LAMA3: variants seen among roughly 807,000 people sequenced by gnomAD.
LAMA3 encodes laminin subunit alpha-3.
In LAMA3, 281 loss-of-function variants were observed where a neutral mutation model predicts 402.0. The observed-to-expected ratio is 0.70, with a 90% CI of 0.63 to 0.77. The LOEUF (loss-of-function observed/expected upper bound fraction) is 0.77. Ranked by LOEUF, LAMA3 falls within the 30% of genes least tolerant of loss-of-function variation. The probability of loss-of-function intolerance (pLI) is 0.00; values close to 1 mark genes in which losing one functional copy is unlikely to be tolerated. For missense variants in LAMA3, 3,840 were observed against 4,215.5 expected, an observed-to-expected ratio of 0.91 and a Z score of 2.47; for synonymous variants, 1,431 against 1,558.4, an observed-to-expected ratio of 0.92 and a Z score of 1.93.
At chr18:23,692,420 T>C (rs1345186665) in intron 1 of LAMA3, among the ~76,000 whole-genome samples, 3 of 152,126 alleles carry the variant, frequency 2.0e-5, no homozygotes, top group Non-Finnish European at 4.4e-5. Flanking sequence ...TACAGGCGCC[T>C]GCCACCACGC....
At chr18:23,894,452 G>T in intron 43 of LAMA3, 104 bp downstream of exon 43, 1 of 1,050,226 alleles carries the variant, frequency 9.5e-7, no homozygotes, top group South Asian at 1.3e-5. Flanking sequence ...GGGAAAGTAA[G>T]GGTGGGAGGA....
rs1376853027 is a variant in LAMA3, at chr18:23,819,847, A to G, written c.2154A>G (p.Glu718=). 5 of 1,613,940 alleles carry G rather than the reference A, an allele frequency of 3.1e-6. No homozygotes were observed. The highest frequency in any genetic ancestry group is 4.2e-6 in the Non-Finnish European group (5 of 1,179,914). ...TACTTTTTAATTATGAAAGGCCTGA[A>G]AACAACTACTATTTCCCAGATTTGC... ...HVVGKVCQRP[E]NNYYFPDLHH... Residue 718 remains glutamate, a synonymous_variant, in exon 19 of 75, where the codon GAA becomes GAG. Transcript: ENST00000313654.
At chr18:23,892,192 A>G (rs1268165034) in intron 42 of LAMA3, among the ~76,000 whole-genome samples, 1 of 152,228 alleles carries the variant, frequency 6.6e-6, no homozygotes, top group Non-Finnish European at 1.5e-5. Context: ...CACTGGAGGT[A>G]TTCAAGAAGC....
intron 25 of LAMA3, among the ~76,000 whole-genome samples, chr18:23,838,272 T>C (rs1305547819): frequency 6.6e-6 from 1 of 152,214 alleles, no homozygotes; most frequent in Admixed American, 6.5e-5. Context: ...TTTGTGTGAC[T>C]CAAAAACTAG....
chr18:23,801,365 C>T lies in LAMA3; in HGVS notation c.1604-9001C>T, dbSNP rs1442259333. 3.3e-5 allele frequency among the ~76,000 whole-genome samples: 5 copies of T among 152,014 alleles called. 1 individual carries two copies. The highest frequency in any genetic ancestry group is 7.4e-5 in the Non-Finnish European group (5 of 68,008). ...TCAGGTACTATGCTCAGTACCTGGG[C>T]GATTTTTTGGTTTCATACACCAAAC... is the stretch of plus-strand genomic sequence containing the variant. On this transcript the variant is annotated intron_variant, in intron 12 of 74. Coordinates refer to ENST00000313654, the MANE Select transcript of LAMA3 (RefSeq NM_198129.4).
Position 23,916,005 on chromosome 18 carries a change from C to CAAAAAAAAAAAAAAAAAAAAAA in LAMA3, c.7779-546_7779-545insAAAAAAAAAAAAAAAAAAAAAA, listed in dbSNP as rs1408575781. On this transcript the variant is annotated intron_variant, in intron 59 of 74. Transcript: ENST00000313654. ...TGGGCGACAGAGTGAGACTCCATCT[C>CAAAAAAAAAAAAAAAAAAAAAA]CAAAAAAAAAAAAAAAAAAAAAAAA... Among the ~76,000 whole-genome samples, 2 of 41,950 alleles carry CAAAAAAAAAAAAAAAAAAAAAA rather than the reference C, an allele frequency of 4.8e-5. 1 individual carries two copies. The highest frequency in any genetic ancestry group is 2.7e-4 in the African/African-American group (2 of 7,366). The allele number at this position is 41,950 out of a possible 152,430, so 27.5% of individuals were successfully genotyped here. A position where few individuals can be genotyped will look rare whatever the true frequency, so the allele number is the denominator to read the frequency against.
At chr18:23,901,354 C>T (rs754577232) in intron 48 of LAMA3, 31 bp downstream of exon 48, 16 of 1,566,068 alleles carry the variant, frequency 1.0e-5, no homozygotes, top group East Asian at 4.5e-5. Context: ...TGCACACTTT[C>T]GTTAATAAGG....
At chr18:23,939,632 T>C (rs1188962330) in intron 68 of LAMA3, among the ~76,000 whole-genome samples, 2 of 152,322 alleles carry the variant, frequency 1.3e-5, no homozygotes, top group East Asian at 3.9e-4. Context: ...TCAGCTCAGG[T>C]CTGGTTTAGA....
At chr18:23,790,262 G>C (rs1262419620) in intron 12 of LAMA3, among the ~76,000 whole-genome samples, 1 of 152,198 alleles carries the variant, frequency 6.6e-6, no homozygotes, top group Non-Finnish European at 1.5e-5. Flanking sequence ...TTAGTGGATA[G>C]AGAAATCAAT....
At chr18:23,863,204 G>T (rs1006871139) in intron 35 of LAMA3, among the ~76,000 whole-genome samples, 8 of 152,266 alleles carry the variant, frequency 5.3e-5, no homozygotes, top group Non-Finnish European at 1.0e-4. Flanking sequence ...AGCACTTTGG[G>T]AGGCCGAGAC....
intron 3 of LAMA3, 114 bp downstream of exon 3, chr18:23,748,174 A>C: frequency 1.3e-6 from 1 of 783,536 alleles, no homozygotes; most frequent in African/African-American, 1.7e-5. Context: ...CACCCCTATA[A>C]TCCCAGCATT....
rs2062306356 is a variant in LAMA3, at chr18:23,775,873, A to G, written c.1355A>G (p.Asp452Gly). 1.2e-6 allele frequency: 2 copies of G among 1,614,078 alleles called. No homozygotes were observed. Among genetic ancestry groups the G allele is most frequent in the African/African-American group, 2.7e-5 (2 of 75,030 alleles). Residue 452 changes from aspartate (D) to glycine (G), a missense_variant, in exon 10 of 75, where the codon GAC becomes GGC. Asp to Gly is a moderately conservative substitution (Grantham distance 94). Coordinates refer to ENST00000313654, the MANE Select transcript of LAMA3 (RefSeq NM_198129.4). ...CACTGCAAGCCAAATTTCCACGGAG[A>G]CAACTGTGAGAAGTGTGCAATTGGA... ...RCHCKPNFHGDNCEKCAIGYY... is the reference protein window; with the variant it reads ...RCHCKPNFHGGNCEKCAIGYY...
Position 23,819,987 on chromosome 18 carries a change from C to T in LAMA3, c.2294C>T (p.Thr765Ile). ...AGCTGGAGAGGATATGCCCAAATGA[C>T]CTCAGTACAGGTACGCAACCCGAAG... ...EFSWRGYAQMTSVQNDVRITL... is the reference protein window; with the variant it reads ...EFSWRGYAQMISVQNDVRITL... The change falls in exon 19 of 75, where the codon ACC becomes ATC. Residue 765 changes from threonine (T) to isoleucine (I), a missense_variant. Around this residue, in one of 3 missense-constraint regions of LAMA3, gnomAD observed 2,109 missense variants for 2,376.0 expected, o/e 0.89. Coordinates refer to ENST00000313654, the MANE Select transcript of LAMA3 (RefSeq NM_198129.4). The T allele has an allele frequency of 1.2e-6, 2 of 1,614,072 alleles. No individual in the cohort carries two copies. The highest frequency in any genetic ancestry group is 1.3e-5 in the African/African-American group (1 of 75,036).
At chr18:23,848,747 A>G (rs1322713474) in intron 32 of LAMA3, among the ~76,000 whole-genome samples, 2 of 152,220 alleles carry the variant, frequency 1.3e-5, no homozygotes, top group Non-Finnish European at 2.9e-5. Flanking sequence ...CAACGCTAAA[A>G]TAACAGAAAT....
chr18:23,810,231 A>G (rs2063040938), intron 12 of LAMA3, 135 bp from the exon 13 acceptor site: 6 of 1,022,504 alleles, frequency 5.9e-6, no homozygotes, highest in Non-Finnish European at 7.6e-6. Context: ...CAGGTTCCCG[A>G]TCTCATAAGA....
Position 23,954,614 on chromosome 18 carries a change from G to T in LAMA3, c.9968G>T (p.Gly3323Val). The change falls in exon 75 of 75, where the codon GGG becomes GTG. Residue 3323 changes from glycine (G) to valine (V), a missense_variant. Transcript: ENST00000313654. Reference sequence around the variant, plus strand: ...GTCACTGAAGCCTTGGAAGTCCAGGGGCCTGTCAGTCTGAATGGTTGTCCT... The same window carrying T: ...GTCACTGAAGCCTTGGAAGTCCAGGTGCCTGTCAGTCTGAATGGTTGTCCT... ...VPVTEALEVQ[G>V]PVSLNGCPDQ The T allele has an allele frequency of 6.2e-7, 1 of 1,613,860 alleles. No individual in the cohort carries two copies. The highest frequency in any genetic ancestry group is 8.5e-7 in the Non-Finnish European group (1 of 1,179,974).
In LAMA3 at chr18:23,777,596, A is replaced by G. The variant is rs779759869; in HGVS notation, c.1445A>G (p.Asp482Gly). 1.2e-6 allele frequency: 2 copies of G among 1,612,276 alleles called. No individual in the cohort carries two copies. Among genetic ancestry groups the G allele is most frequent in the South Asian group, 1.1e-5 (1 of 91,038 alleles). Residue 482 changes from aspartate to glycine, a missense_variant, in exon 11 of 75, where the codon GAT (aspartate) becomes GGT (glycine). Physicochemically the swap from Asp to Gly is moderately conservative, Grantham distance 94. Coordinates refer to ENST00000313654, the MANE Select transcript of LAMA3 (RefSeq NM_198129.4). ...IFPVSTPSSE[D>G]PVAGDIKGCD... ...CCTGTTTCTACACCAAGTTCAGAAG[A>G]TCCAGTAGCTGGAGATATAAAAGGC...
intron 1 of LAMA3, among the ~76,000 whole-genome samples, chr18:23,694,826 G>A (rs758981140): frequency 2.0e-5 from 3 of 152,186 alleles, no homozygotes; most frequent in Admixed American, 6.5e-5. Context: ...GTGGGGCCCT[G>A]TCTTCCTGTT....
At chr18:23,925,485 G>A (rs1232717493) in intron 62 of LAMA3, among the ~76,000 whole-genome samples, 1 of 152,152 alleles carries the variant, frequency 6.6e-6, no homozygotes, top group Admixed American at 6.5e-5. Context: ...AAATGAAAAT[G>A]ATCCAAAAAG....
Sources: allele counts gnomAD v4.1 joint callset (sites outside exome capture counted in the v4.1 genomes callset), GRCh38; gene constraint gnomAD v4.1.1; regional missense constraint gnomAD v4.1.1; transcripts MANE v1.5; gene names NCBI Gene and HGNC (gene_info 2026-07-23, HGNC 2026-07-21).